ZMAT4: variants seen among roughly 807,000 people sequenced by gnomAD.
ZMAT4 encodes the protein zinc finger matrin-type 4.
Under a neutral mutation model 28.7 loss-of-function variants are expected in ZMAT4, and 17 were observed. The ratio of observed to expected loss-of-function variants is 0.59; its 90% CI spans 0.41 to 0.89. The LOEUF is 0.89. Among genes scored for constraint, ZMAT4 ranks in the 40% least tolerant of loss-of-function variants. The pLI is 0.00. For missense variants in ZMAT4, 240 were observed against 283.8 expected (o/e 0.85, Z 1.11); for synonymous variants, 117 against 109.2 (o/e 1.07, Z -0.44).
chr8:40,699,757 C>A (rs551946589), intron 3 of ZMAT4, among the ~76,000 whole-genome samples: 1 of 152,186 alleles, frequency 6.6e-6, no homozygotes, highest in Non-Finnish European at 1.5e-5. Flanking sequence ...TAGGTCAAAG[C>A]GTGTAATTTT....
At chr8:40,824,293 A>T (rs1047971225) in intron 2 of ZMAT4, among the ~76,000 whole-genome samples, 1 of 152,184 alleles carries the variant, frequency 6.6e-6, no homozygotes, top group East Asian at 1.9e-4. Flanking sequence ...TAAAAGTAAA[A>T]AATTAGCTGA....
chr8:40,721,620 C>T (rs951550092), intron 3 of ZMAT4, among the ~76,000 whole-genome samples: 1 of 148,294 alleles, frequency 6.7e-6, no homozygotes, highest in African/African-American at 2.5e-5. Context: ...TCCTATTTCT[C>T]CACATCCTCT....
At chr8:40,676,144 A>G (rs1017930168) in intron 4 of ZMAT4, among the ~76,000 whole-genome samples, 1 of 152,204 alleles carries the variant, frequency 6.6e-6, no homozygotes, top group Non-Finnish European at 1.5e-5. Context: ...CAGAAATGCC[A>G]GTGGCTTACT....
chr8:40,714,296 T>G (rs566431779), intron 3 of ZMAT4, among the ~76,000 whole-genome samples: 82 of 152,316 alleles, frequency 5.4e-4, no homozygotes, highest in Middle Eastern at 3.4e-3. Context: ...ATTGCTAAGG[T>G]GCCGATTATA....
intron 3 of ZMAT4, among the ~76,000 whole-genome samples, chr8:40,702,770 C>A (rs905834379): frequency 6.6e-6 from 1 of 152,108 alleles, no homozygotes; most frequent in Non-Finnish European, 1.5e-5. Context: ...CTCAGGCATG[C>A]GTCATAGTGC....
intron 2 of ZMAT4, among the ~76,000 whole-genome samples, chr8:40,806,084 C>G (rs1158243554): frequency 6.6e-6 from 1 of 151,968 alleles, no homozygotes; most frequent in Admixed American, 6.6e-5. Context: ...ATCTTTATAC[C>G]TGGTAAAATA....
chr8:40,877,685 CGT>C (rs137928950), intron 1 of ZMAT4, among the ~76,000 whole-genome samples: 2 of 151,382 alleles, frequency 1.3e-5, no homozygotes, highest in Non-Finnish European at 2.9e-5. Flanking sequence ...TAAACATATG[CGT>C]GTGTGTGTGT....
intron 1 of ZMAT4, among the ~76,000 whole-genome samples, chr8:40,828,382 T>C (rs2150615190): frequency 6.6e-6 from 1 of 152,044 alleles, no homozygotes; most frequent in Non-Finnish European, 1.5e-5. Flanking sequence ...TTAATAGGAA[T>C]CTCCAAACTC....
At position 40,530,736 on chromosome 8, in the gene ZMAT4, C is replaced by G. The variant is rs1381229305; in HGVS notation, c.*1487G>C. The G allele has an allele frequency of 6.6e-6, 1 of 152,624 alleles. No individual in the cohort carries two copies. Among genetic ancestry groups the G allele is most frequent in the East Asian group, 1.9e-4 (1 of 5,188 alleles). 9.5% of individuals were successfully genotyped at this position (152,624 alleles called of 1,614,324 possible). A position where few individuals can be genotyped will look rare whatever the true frequency, so the allele number is the denominator to read the frequency against. On this transcript the variant is annotated 3_prime_UTR_variant, in exon 7 of 7. Transcript: ENST00000297737. ...GCTTTCCAAAACAGCAAAATAGATT[C>G]TTCCCATCCAACCCCCTTTCCTCTT...
chr8:40,675,760 T>C (rs1808883335), intron 4 of ZMAT4, among the ~76,000 whole-genome samples: 1 of 152,260 alleles, frequency 6.6e-6, no homozygotes, highest in Admixed American at 6.5e-5. Flanking sequence ...CTAATTTTAT[T>C]GTCAGCTGCT....
intron 3 of ZMAT4, among the ~76,000 whole-genome samples, chr8:40,747,735 C>T (rs1204844156): frequency 6.6e-6 from 1 of 152,108 alleles, no homozygotes; most frequent in Non-Finnish European, 1.5e-5. Context: ...TCCCCCATTA[C>T]AGTAAGGGAT....
chr8:40,819,207 G>A (rs1006201499), intron 2 of ZMAT4, among the ~76,000 whole-genome samples: 1 of 152,094 alleles, frequency 6.6e-6, no homozygotes, highest in Non-Finnish European at 1.5e-5. Flanking sequence ...ACTAGATTCT[G>A]CCATTCCCAG....
At chr8:40,778,983 T>C (rs1197498157) in intron 2 of ZMAT4, among the ~76,000 whole-genome samples, 1 of 152,232 alleles carries the variant, frequency 6.6e-6, no homozygotes, top group Non-Finnish European at 1.5e-5. Context: ...TTTGGAAATA[T>C]ATTATCTGTA....
chr8:40,542,969 C>A (rs1803089943), intron 6 of ZMAT4, among the ~76,000 whole-genome samples: 2 of 152,196 alleles, frequency 1.3e-5, no homozygotes, highest in Admixed American at 6.5e-5. Flanking sequence ...GTCATTGCAG[C>A]AGAGATGGGC....
intron 3 of ZMAT4, among the ~76,000 whole-genome samples, chr8:40,756,619 TTGTAAGTGTG>T (rs1413240713): frequency 2.5e-5 from 3 of 121,668 alleles, no homozygotes; most frequent in Non-Finnish European, 3.4e-5. Context: ...GGGTTTATGT[TTGTAAGTGTG>T]TGTGTGTGTG....
intron 2 of ZMAT4, among the ~76,000 whole-genome samples, chr8:40,772,523 A>AT (rs1198454023): frequency 6.6e-6 from 1 of 152,198 alleles, no homozygotes; most frequent in Non-Finnish European, 1.5e-5. Context: ...AGGGCTACTG[A>AT]TTTCTGGTAT....
intron 2 of ZMAT4, among the ~76,000 whole-genome samples, chr8:40,788,729 C>T (rs1282286036): frequency 6.6e-6 from 1 of 151,144 alleles, no homozygotes; most frequent in Non-Finnish European, 1.5e-5. Context: ...CATTCTGATG[C>T]CAGTATTATT....
chr8:40,861,174 C>A (rs542329615), intron 1 of ZMAT4, among the ~76,000 whole-genome samples: 1 of 152,208 alleles, frequency 6.6e-6, no homozygotes, highest in Non-Finnish European at 1.5e-5. Flanking sequence ...TTTTGTTTAG[C>A]AGCACTTGGT....
At chr8:40,641,214 G>A (rs940893890) in intron 5 of ZMAT4, among the ~76,000 whole-genome samples, 6 of 152,298 alleles carry the variant, frequency 3.9e-5, no homozygotes, top group Admixed American at 2.0e-4. Flanking sequence ...GTGGATAAAA[G>A]TGTAGCAAAG....
Sources: gnomAD v4.1 joint callset for allele counts (sites outside exome capture counted in the v4.1 genomes callset) on GRCh38, gnomAD v4.1.1 for gene constraint, MANE v1.5 for transcripts, NCBI Gene and HGNC (gene_info 2026-07-23, HGNC 2026-07-21) for gene names.